PDCD1LG2: variants seen among roughly 807,000 people sequenced by gnomAD.
The protein encoded by PDCD1LG2 is B7 dendritic cell molecule.
Under a neutral mutation model 28.2 loss-of-function variants are expected in PDCD1LG2, and 32 were observed. The ratio of observed to expected loss-of-function variants is 1.13; its 90% CI spans 0.86 to 1.52. The LOEUF is 1.52. Among genes scored for constraint, PDCD1LG2 ranks in the 40% most tolerant of loss-of-function variants. The pLI is 0.00. For missense variants in PDCD1LG2, 385 were observed against 323.8 expected (o/e 1.19, Z -1.45); for synonymous variants, 116 against 120.2 (o/e 0.97, Z 0.23).
chr9:5,554,770 C>T (rs59748722), intron 4 of PDCD1LG2, among the ~76,000 whole-genome samples: 22,954 of 152,082 alleles, frequency 0.15, 2,206 homozygotes, highest in East Asian at 0.27. Context: ...TCCTAGGAGA[C>T]CTGGAGGTGA....
In PDCD1LG2 at chr9:5,570,673, A is replaced by G. The variant is rs1428446564; in HGVS notation, c.*714A>G. On this transcript the variant is annotated 3_prime_UTR_variant, in exon 7 of 7. Coordinates refer to ENST00000397747, the MANE Select transcript of PDCD1LG2 (RefSeq NM_025239.4). ...TTTTTTGAACTACATCTTTCCTTTA[A>G]AAATTATTGGTTTCTTTTTATTTGT... The G allele has an allele frequency of 1.7e-5, 4 of 232,236 alleles. No homozygotes were observed. Among genetic ancestry groups the G allele is most frequent in the Non-Finnish European group, 3.4e-5 (4 of 117,496 alleles). The allele number at this position is 232,236 out of a possible 1,614,324, so 14.4% of individuals were successfully genotyped here. A position where few individuals can be genotyped will look rare whatever the true frequency, so the allele number is the denominator to read the frequency against.
intron 6 of PDCD1LG2, among the ~76,000 whole-genome samples, chr9:5,565,648 T>C (rs1041458378): frequency 2.0e-5 from 3 of 152,226 alleles, no homozygotes; most frequent in Non-Finnish European, 2.9e-5. Context: ...GTCCACCTGG[T>C]CAATATAATA....
At chr9:5,540,137 T>A (rs1333985157) in intron 3 of PDCD1LG2, among the ~76,000 whole-genome samples, 1 of 152,316 alleles carries the variant, frequency 6.6e-6, no homozygotes, top group East Asian at 1.9e-4. Context: ...TGAGTGATCA[T>A]TGGGTGAACA....
At chr9:5,525,681 A>G (rs1820359903) in intron 2 of PDCD1LG2, among the ~76,000 whole-genome samples, 1 of 152,132 alleles carries the variant, frequency 6.6e-6, no homozygotes, top group South Asian at 2.1e-4. Context: ...AGAAGATAAC[A>G]CATAGCACAA....
At chr9:5,560,047 C>A (rs1030946297) in intron 5 of PDCD1LG2, among the ~76,000 whole-genome samples, 13 of 152,210 alleles carry the variant, frequency 8.5e-5, no homozygotes, top group African/African-American at 2.9e-4. Context: ...TCAAGTCTTT[C>A]CTAATTCTAC....
intron 3 of PDCD1LG2, among the ~76,000 whole-genome samples, chr9:5,535,378 G>C (rs1299545543): frequency 1.3e-5 from 2 of 152,130 alleles, no homozygotes; most frequent in African/African-American, 4.8e-5. Flanking sequence ...TCCCTGACTT[G>C]ATTATTAAGA....
intron 6 of PDCD1LG2, among the ~76,000 whole-genome samples, chr9:5,563,608 T>G (rs907298739): frequency 2.6e-5 from 4 of 152,212 alleles, no homozygotes; most frequent in Non-Finnish European, 5.9e-5. Context: ...ACAAGTCTCT[T>G]CATGAGGTTG....
Position 5,549,593 on chromosome 9 carries a change from T to C in PDCD1LG2, c.620T>C (p.Ile207Thr), listed in dbSNP as rs776402130. The change falls in exon 4 of 7, where the codon ATT becomes ACT. Residue 207 changes from isoleucine (I) to threonine (T), a missense_variant. Ile to Thr is a moderately conservative substitution (Grantham distance 89, BLOSUM62 -1). Coordinates refer to ENST00000397747, the MANE Select transcript of PDCD1LG2 (RefSeq NM_025239.4). Reference sequence around the variant, plus strand: ...GTGAGGGAACTTACTTTGGCCAGCATTGACCTTCAAAGTAAGAGCTGCCCC... The same window carrying C: ...GTGAGGGAACTTACTTTGGCCAGCACTGACCTTCAAAGTAAGAGCTGCCCC... Reference protein sequence around the residue: ...THVRELTLASIDLQSQMEPRT... With the variant: ...THVRELTLASTDLQSQMEPRT... 18 of 1,614,088 alleles carry C rather than the reference T, an allele frequency of 1.1e-5. No homozygotes were observed. The highest frequency in any genetic ancestry group is 1.6e-4 in the Middle Eastern group (1 of 6,084).
chr9:5,512,379 C>T (rs2129670346), intron 1 of PDCD1LG2, among the ~76,000 whole-genome samples: 1 of 152,330 alleles, frequency 6.6e-6, no homozygotes. Flanking sequence ...GTCTCTAACA[C>T]ACCTGTGGGC....
chr9:5,561,967 C>T (rs1485317192), intron 5 of PDCD1LG2, among the ~76,000 whole-genome samples: 3 of 152,190 alleles, frequency 2.0e-5, no homozygotes, highest in Admixed American at 2.0e-4. Flanking sequence ...GGGCTCCTTT[C>T]AAATGCAAAC....
chr9:5,557,142 G>C lies in PDCD1LG2; in HGVS notation c.632-476G>C, dbSNP rs961141166. On this transcript the variant is annotated intron_variant, in intron 4 of 6. Transcript: ENST00000397747. ...AGCACTGTGAGTACTTGTCAGTGGG[G>C]GAAAGACATTTTTGGGCTGAGAGAC... Among the ~76,000 whole-genome samples, 18 of 152,144 alleles carry C rather than the reference G, an allele frequency of 1.2e-4. No individual in the cohort carries two copies. The South Asian group carries it at 1.2e-3, about 10-fold the overall frequency.
At chr9:5,528,266 T>C (rs1277877291) in intron 2 of PDCD1LG2, among the ~76,000 whole-genome samples, 1 of 147,666 alleles carries the variant, frequency 6.8e-6, no homozygotes, top group African/African-American at 2.5e-5. Context: ...TTATATATTA[T>C]ATATATATTT....
At chr9:5,535,935 C>T (rs957011367) in intron 3 of PDCD1LG2, among the ~76,000 whole-genome samples, 11 of 152,200 alleles carry the variant, frequency 7.2e-5, no homozygotes, top group African/African-American at 2.7e-4. Flanking sequence ...TGTTCATTGG[C>T]TTATGGTCTC....
chr9:5,556,885 A>G (rs1816453286), intron 4 of PDCD1LG2, among the ~76,000 whole-genome samples: 1 of 152,172 alleles, frequency 6.6e-6, no homozygotes, highest in South Asian at 2.1e-4. Context: ...GGACTTTACA[A>G]GGCTTTCCCC....
chr9:5,557,651 T>C lies in PDCD1LG2; in HGVS notation c.665T>C (p.Leu222Pro). 1 of 1,614,038 alleles carries C rather than the reference T, an allele frequency of 6.2e-7. No homozygotes were observed. Among genetic ancestry groups the C allele is most frequent in the Non-Finnish European group, 8.5e-7 (1 of 1,179,878 alleles). Residue 222 changes from leucine (L) to proline (P), a missense_variant, in exon 5 of 7, where the codon CTG becomes CCG. Physicochemically the swap from Leu to Pro is moderately conservative, Grantham distance 98. Coordinates refer to ENST00000397747, the MANE Select transcript of PDCD1LG2 (RefSeq NM_025239.4). ...GAACCCAGGACCCATCCAACTTGGCTGCTTCACATTTTCATCCCCTTCTGC... is the reference window on the plus strand; with the variant it reads ...GAACCCAGGACCCATCCAACTTGGCCGCTTCACATTTTCATCCCCTTCTGC... ...QMEPRTHPTW[L>P]LHIFIPFCII...
rs1338544732 is a variant in PDCD1LG2 at position 5,513,286 on chromosome 9, C to T, written c.-15+2483C>T. 3.3e-5 allele frequency among the ~76,000 whole-genome samples: 5 copies of T among 152,244 alleles called. No homozygotes were observed. In the East Asian group the frequency reaches 9.6e-4, roughly 29 times the overall value. On this transcript the variant is annotated intron_variant, in intron 1 of 6. Coordinates refer to ENST00000397747, the MANE Select transcript of PDCD1LG2 (RefSeq NM_025239.4). ...TGAGACTGCTTCTGAGTCAGCTATG[C>T]ACTGCCCTTTAGAATAGCTTCAACC...
chr9:5,557,535 C>G (rs1816469914), intron 4 of PDCD1LG2, 83 bp from the exon 5 acceptor site: 1 of 1,497,222 alleles, frequency 6.7e-7, no homozygotes, highest in Non-Finnish European at 9.2e-7. Flanking sequence ...GCCGTGTTGG[C>G]TGTCACCCAC....
Position 5,522,611 on chromosome 9 carries a change from G to C in PDCD1LG2, c.55+10G>C, listed in dbSNP as rs2129726841. 1 of 1,612,534 alleles carries C rather than the reference G, an allele frequency of 6.2e-7. No individual in the cohort carries two copies. Among genetic ancestry groups the C allele is most frequent in the Non-Finnish European group, 8.5e-7 (1 of 1,178,784 alleles). ...CTTCACCAGATAGCAGGTAAGAAAG[G>C]ACAAAGGGAGAGGCTTAAGAAAGAA... On this transcript the variant is annotated intron_variant, in intron 2 of 6. Transcript: ENST00000397747.
intron 1 of PDCD1LG2, 143 bp downstream of exon 1, chr9:5,510,946 G>A (rs372696228): frequency 6.6e-6 from 1 of 152,532 alleles, no homozygotes; most frequent in African/African-American, 2.4e-5. Flanking sequence ...TGTGCTGAGG[G>A]GCACAAATAA....
Sources: allele counts gnomAD v4.1 joint callset (sites outside exome capture counted in the v4.1 genomes callset), GRCh38; gene constraint gnomAD v4.1.1; transcripts MANE v1.5; gene names NCBI Gene and HGNC (gene_info 2026-07-23, HGNC 2026-07-21).